The following PARD3B variants were observed in gnomAD, a reference collection of about 807,000 sequenced individuals.
PARD3B encodes the protein partitioning defective 3 homolog B.
Under a neutral mutation model 130.2 loss-of-function variants are expected in PARD3B, and 103 were observed. The observed-to-expected ratio is 0.79, with a 90% CI of 0.67 to 0.93. The LOEUF (loss-of-function observed/expected upper bound fraction) is 0.93. PARD3B is among the 40% of genes least tolerant of loss of function. PARD3B has a pLI of 0.00. For synonymous variants in PARD3B, 583 were observed against 553.2 expected (o/e 1.05, Z -0.76); for missense variants, 1,609 against 1,499.2 (o/e 1.07, Z -1.21).
intron 6 of PARD3B, among the ~76,000 whole-genome samples, 197 bp from the exon 7 acceptor site, chr2:205,118,724 C>G (rs2030235427): frequency 6.6e-6 from 1 of 152,104 alleles, no homozygotes; most frequent in Admixed American, 6.6e-5. Context: ...GCATATTTAT[C>G]TAGAAGGGCT....
At chr2:205,399,315 T>C (rs983971781) in intron 18 of PARD3B, among the ~76,000 whole-genome samples, 14 of 151,942 alleles carry the variant, frequency 9.2e-5, no homozygotes, top group Non-Finnish European at 2.1e-4. Flanking sequence ...CAAGTTTTTT[T>C]TGTTTTGTTT....
chr2:205,468,916 A>G (rs1217982917), intron 20 of PARD3B, among the ~76,000 whole-genome samples: 1 of 151,560 alleles, frequency 6.6e-6, no homozygotes, highest in Non-Finnish European at 1.5e-5. Flanking sequence ...CCTTAGCTGC[A>G]TGATTCAATA....
chr2:204,991,181 G>A (rs1379540346), intron 3 of PARD3B, among the ~76,000 whole-genome samples: 23 of 150,500 alleles, frequency 1.5e-4, no homozygotes, highest in Non-Finnish European at 3.0e-4. Context: ...ACCCACTAAC[G>A]CATCATCTAG....
intron 21 of PARD3B, among the ~76,000 whole-genome samples, chr2:205,542,659 T>C (rs971681609): frequency 2.6e-5 from 4 of 152,146 alleles, no homozygotes; most frequent in African/African-American, 9.7e-5. Context: ...AGCCATTCCA[T>C]CCAACAGTAG....
chr2:204,581,262 T>A (rs889865371), intron 1 of PARD3B, among the ~76,000 whole-genome samples: 5 of 152,342 alleles, frequency 3.3e-5, no homozygotes, highest in African/African-American at 9.6e-5. Flanking sequence ...CTGTTCTCTC[T>A]GAGGTCATCT....
At chr2:204,816,295 T>C (rs1338035231) in intron 2 of PARD3B, among the ~76,000 whole-genome samples, 1 of 151,972 alleles carries the variant, frequency 6.6e-6, no homozygotes, top group Non-Finnish European at 1.5e-5. Context: ...CTTTTAAATA[T>C]ATTTAAGTAA....
intron 1 of PARD3B, among the ~76,000 whole-genome samples, chr2:204,603,783 T>C (rs2033606405): frequency 6.6e-6 from 1 of 152,146 alleles, no homozygotes; most frequent in African/African-American, 2.4e-5. Flanking sequence ...GGAAGAATGC[T>C]TCAAAGTTGG....
In PARD3B at chr2:205,558,002, G is replaced by A. The variant is rs1370348337; in HGVS notation, c.3260+4599G>A. Among the ~76,000 whole-genome samples, 1 of 152,180 alleles carries A rather than the reference G, an allele frequency of 6.6e-6. No individual in the cohort carries two copies. Among genetic ancestry groups the A allele is most frequent in the African/African-American group, 2.4e-5 (1 of 41,442 alleles). On this transcript the variant is annotated intron_variant, in intron 22 of 22. Transcript: ENST00000406610. This position sits in a 1 kb window ranked among gnomAD's most constrained non-coding sequence, Gnocchi z 4.8. ...AGCACCTGCATGGGGATATGCTGGG[G>A]GAACTCACTGAAGCTGAAGGATTCG...
chr2:204,972,100 A>G (rs899352780), intron 3 of PARD3B, among the ~76,000 whole-genome samples: 1 of 152,190 alleles, frequency 6.6e-6, no homozygotes, highest in Admixed American at 6.5e-5. Context: ...GTCAATACCT[A>G]AAGACAAGTA....
chr2:205,544,204 G>T (rs908500076), intron 21 of PARD3B, among the ~76,000 whole-genome samples: 1 of 151,526 alleles, frequency 6.6e-6, no homozygotes. Context: ...TGCTCCTGGA[G>T]AATACAAGAC....
At chr2:205,312,988 T>G (rs1298930418) in intron 18 of PARD3B, among the ~76,000 whole-genome samples, 1 of 152,190 alleles carries the variant, frequency 6.6e-6, no homozygotes, top group Non-Finnish European at 1.5e-5. Flanking sequence ...TATACATCCT[T>G]GCTTTTGTTG....
chr2:205,223,994 G>A (rs1451823128), intron 15 of PARD3B, among the ~76,000 whole-genome samples: 1 of 151,656 alleles, frequency 6.6e-6, no homozygotes, highest in Non-Finnish European at 1.5e-5. Context: ...AACCCAGGAG[G>A]TGGAGCTTAC....
intron 2 of PARD3B, among the ~76,000 whole-genome samples, chr2:204,788,411 A>G (rs920215201): frequency 4.6e-5 from 7 of 152,194 alleles, no homozygotes; most frequent in Non-Finnish European, 1.5e-5. Flanking sequence ...GCTGCCTGTT[A>G]CTCTGTGGAT....
At chr2:204,603,464 T>C (rs2033593146) in intron 1 of PARD3B, among the ~76,000 whole-genome samples, 1 of 152,114 alleles carries the variant, frequency 6.6e-6, no homozygotes. Context: ...AGTAAAGTAA[T>C]CCACAAAGTC....
Position 204,847,730 on chromosome 2 carries a change from A to G in PARD3B, c.223-117422A>G, listed in dbSNP as rs150953242. Among the ~76,000 whole-genome samples the G allele has an allele frequency of 5.9e-3, 899 of 152,256 alleles. 10 individuals carry two copies. Among genetic ancestry groups the G allele is most frequent in the African/African-American group, 0.021 (867 of 41,550 alleles). On this transcript the variant is annotated intron_variant, in intron 2 of 22. Coordinates refer to ENST00000406610, the MANE Select transcript of PARD3B (RefSeq NM_001302769.2). ...GTTCAAGTAACCCTCATTTTACTTA[A>G]TAACGTCCCTGAAGCATAAGTGTAG...
intron 4 of PARD3B, 67 bp from the exon 5 acceptor site, chr2:205,104,359 A>T: frequency 8.6e-7 from 1 of 1,159,836 alleles, no homozygotes; most frequent in Non-Finnish European, 1.3e-6. Context: ...CCATATTGGG[A>T]TATTTTATTC....
chr2:205,611,113 G>A (rs1415033271), intron 22 of PARD3B, among the ~76,000 whole-genome samples: 1 of 152,184 alleles, frequency 6.6e-6, no homozygotes, highest in Non-Finnish European at 1.5e-5. Context: ...AAAGACAGAT[G>A]AGGTGAGAAT....
At position 205,440,585 on chromosome 2, in the gene PARD3B, GC is replaced by G. The variant is rs1559096292; in HGVS notation, c.2959del (p.His987IlefsTer10). On this transcript the variant is annotated frameshift_variant, in exon 20 of 23. Transcript: ENST00000406610. LOFTEE classifies it high-confidence loss of function. The surrounding 1 kb of genome is among the most constrained non-coding windows in gnomAD (Gnocchi z 4.2). Reference sequence around the variant, plus strand: ...GGACCATTTGGTTACCCTCGGGATGGCCATCCACTGTCTCCAGAAAGAGACC... The same window carrying G: ...GGACCATTTGGTTACCCTCGGGATGGCATCCACTGTCTCCAGAAAGAGACC... ...RAGPFGYPRD[G>X]HPLSPERDHL... The G allele has an allele frequency of 1.2e-6, 2 of 1,613,992 alleles. No individual in the cohort carries two copies. The highest frequency in any genetic ancestry group is 1.7e-6 in the Non-Finnish European group (2 of 1,179,924).
chr2:204,936,586 G>A (rs1471331905), intron 2 of PARD3B, among the ~76,000 whole-genome samples: 1 of 152,146 alleles, frequency 6.6e-6, no homozygotes, highest in Non-Finnish European at 1.5e-5. Context: ...TACAGATGAT[G>A]GAGCATAGCT....
Sources: gnomAD v4.1 joint callset for allele counts (sites outside exome capture counted in the v4.1 genomes callset) on GRCh38, gnomAD v4.1.1 for gene constraint, Gnocchi (gnomAD v3.1) non-coding constraint, MANE v1.5 for transcripts, NCBI Gene and HGNC (gene_info 2026-07-23, HGNC 2026-07-21) for gene names.